Variants in GABRG2 observed in about 807,000 individuals in gnomAD.
The protein encoded by GABRG2 is gamma-aminobutyric acid type A receptor subunit gamma2.
In GABRG2, 16 loss-of-function variants were observed where a neutral mutation model predicts 56.4. That is an observed-to-expected ratio of 0.28 (90% CI 0.19 to 0.43). GABRG2 has a LOEUF of 0.43. Ranked by LOEUF, GABRG2 falls within the 20% of genes least tolerant of loss-of-function variation. The pLI is 1.00. For synonymous variants in GABRG2, 208 were observed against 205.5 expected (o/e 1.01, Z -0.10); for missense variants, 327 against 582.7 (o/e 0.56, Z 4.52).
chr5:162,104,085 T>C, intron 6 of GABRG2, 59 bp downstream of exon 6: 1 of 1,563,030 alleles, frequency 6.4e-7, no homozygotes, highest in South Asian at 1.1e-5. Flanking sequence ...TTTTGGTATA[T>C]ATGAATTAGA....
intron 6 of GABRG2, among the ~76,000 whole-genome samples, chr5:162,138,164 C>A (rs1244473493): frequency 6.6e-6 from 1 of 152,024 alleles, no homozygotes; most frequent in Admixed American, 6.6e-5. Context: ...AAGCTTTTTC[C>A]ACACTAAGAT....
intron 5 of GABRG2, chr5:162,102,942 A>G (rs556891704): frequency 6.3e-5 from 10 of 157,732 alleles, no homozygotes; most frequent in African/African-American, 2.4e-4. Context: ...ATCAGTGTTC[A>G]TAATCAAACT....
intron 6 of GABRG2, among the ~76,000 whole-genome samples, chr5:162,137,927 A>G (rs948695019): frequency 1.4e-5 from 2 of 141,614 alleles, no homozygotes; most frequent in African/African-American, 5.2e-5. Context: ...AATTTTTGGT[A>G]TTTTTTTTTT....
At chr5:162,149,559 T>C (rs1341748325) in intron 8 of GABRG2, 5 of 759,968 alleles carry the variant, frequency 6.6e-6, no homozygotes, top group Non-Finnish European at 1.2e-5. Flanking sequence ...CTTTATTTTG[T>C]GGAGACTAAA....
chr5:162,116,789 A>G lies in GABRG2; in HGVS notation c.769+12763A>G, dbSNP rs186464010. The stretch of plus-strand genomic sequence containing the variant: ...CTTCTCTAGAAGTAGTGGGGCAGGC[A>G]ATACTCTGTGACATTTAATTCTGCA... On this transcript the variant is annotated intron_variant, in intron 6 of 9. Transcript: ENST00000639213. Among the ~76,000 whole-genome samples the G allele has an allele frequency of 9.3e-5, 14 of 150,794 alleles. No homozygotes were observed. In the East Asian group the frequency reaches 2.7e-3, roughly 29 times the overall value.
intron 6 of GABRG2, among the ~76,000 whole-genome samples, chr5:162,109,389 A>AAT (rs535370579): frequency 0.051 from 5,901 of 115,790 alleles, 179 homozygotes; most frequent in East Asian, 0.14. Flanking sequence ...CTTAAAGTAT[A>AAT]ATATATATAT....
chr5:162,098,697 G>A (rs1761181527), intron 4 of GABRG2: 1 of 152,140 alleles, frequency 6.6e-6, no homozygotes, highest in Non-Finnish European at 1.5e-5. Flanking sequence ...GCAGCTATCT[G>A]GTAGCAGGAC....
chr5:162,148,567 T>C (rs1314194541), intron 7 of GABRG2, among the ~76,000 whole-genome samples: 1 of 152,228 alleles, frequency 6.6e-6, no homozygotes, highest in East Asian at 1.9e-4. Context: ...ATTTTATAAC[T>C]TCCTTTTTAT....
At chr5:162,075,775 A>G (rs1247676082) in intron 1 of GABRG2, among the ~76,000 whole-genome samples, 3 of 152,172 alleles carry the variant, frequency 2.0e-5, no homozygotes, top group African/African-American at 7.2e-5. Flanking sequence ...AAGAAAATGA[A>G]CAAACAAACC....
At position 162,090,000 on chromosome 5, in the gene GABRG2, C is replaced by G. The variant is rs74415246; in HGVS notation, c.108-3828C>G. 4.9e-3 allele frequency among the ~76,000 whole-genome samples: 748 copies of G among 152,242 alleles called. 6 individuals carry two copies. The highest frequency in any genetic ancestry group is 8.2e-3 in the Non-Finnish European group (555 of 68,012). On this transcript the variant is annotated intron_variant, in intron 1 of 9. Coordinates refer to ENST00000639213, the MANE Select transcript of GABRG2 (RefSeq NM_198904.4). The stretch of plus-strand genomic sequence containing the variant: ...ATCTTGTTAAAATTGTGAGCAACCT[C>G]TCATTGAACAGTCTCTATGCAGTAT...
intron 6 of GABRG2, among the ~76,000 whole-genome samples, chr5:162,135,881 AAAAAC>A (rs60627503): frequency 6.6e-6 from 1 of 152,042 alleles, no homozygotes; most frequent in Non-Finnish European, 1.5e-5. Context: ...ATAGTGAGGG[AAAAAC>A]AAAACAAAAC....
intron 6 of GABRG2, among the ~76,000 whole-genome samples, chr5:162,105,035 A>T (rs1214174190): frequency 6.6e-6 from 1 of 152,202 alleles, no homozygotes; most frequent in Non-Finnish European, 1.5e-5. Flanking sequence ...ATCTATTAAG[A>T]TGTCATTTGA....
intron 6 of GABRG2, among the ~76,000 whole-genome samples, chr5:162,129,539 T>C (rs1460022595): frequency 6.6e-6 from 1 of 151,978 alleles, no homozygotes; most frequent in Non-Finnish European, 1.5e-5. Flanking sequence ...GTCTGAGTCC[T>C]TGTGCTAAAA....
At chr5:162,109,456 CT>C in intron 6 of GABRG2, among the ~76,000 whole-genome samples, 1 of 140,936 alleles carries the variant, frequency 7.1e-6, no homozygotes, top group Non-Finnish European at 1.5e-5. Context: ...TGATTTCTGC[CT>C]TGTGTTGCCT....
intron 6 of GABRG2, among the ~76,000 whole-genome samples, chr5:162,113,246 G>A (rs1362861347): frequency 1.3e-5 from 2 of 152,046 alleles, no homozygotes; most frequent in Non-Finnish European, 2.9e-5. Flanking sequence ...AGCCTGGTTT[G>A]TTTTTGTATA....
chr5:162,122,457 C>T (rs1763037447), intron 6 of GABRG2, among the ~76,000 whole-genome samples: 2 of 151,910 alleles, frequency 1.3e-5, no homozygotes, highest in Non-Finnish European at 2.9e-5. Flanking sequence ...ATAGAATTTA[C>T]TTCCACTGAG....
In GABRG2 at chr5:162,067,992, A is replaced by G; in HGVS notation, c.-8A>G. On this transcript the variant is annotated 5_prime_UTR_variant, in exon 1 of 10. Coordinates refer to ENST00000639213, the MANE Select transcript of GABRG2 (RefSeq NM_198904.4). ...GCAAGAGGCGAGAGAAGGAAAAAAA[A>G]AAAAGCGATGAGTTCGCCAAATATA... 6.2e-7 allele frequency: 1 copy of G among 1,603,332 alleles called. No individual in the cohort carries two copies. The highest frequency in any genetic ancestry group is 8.5e-7 in the Non-Finnish European group (1 of 1,170,776).
chr5:162,081,438 G>A (rs995121923), intron 1 of GABRG2, among the ~76,000 whole-genome samples: 2 of 151,900 alleles, frequency 1.3e-5, no homozygotes, highest in African/African-American at 4.8e-5. Flanking sequence ...GCCCAAATCA[G>A]TATTCTTGGT....
chr5:162,109,670 C>G (rs905778150), intron 6 of GABRG2, among the ~76,000 whole-genome samples: 4 of 151,834 alleles, frequency 2.6e-5, no homozygotes, highest in African/African-American at 9.7e-5. Flanking sequence ...AACAGTATAT[C>G]ATTCATCAAT....
Sources: allele counts gnomAD v4.1 joint callset (sites outside exome capture counted in the v4.1 genomes callset), GRCh38; gene constraint gnomAD v4.1.1; transcripts MANE v1.5; gene names NCBI Gene and HGNC (gene_info 2026-07-23, HGNC 2026-07-21).